UTRN: variants seen among roughly 807,000 people sequenced by gnomAD.
UTRN encodes dystrophin-related protein 1.
UTRN carries 283 observed loss-of-function variants against 463.9 expected under a neutral mutation model. The observed-to-expected ratio is 0.61, with a 90% CI of 0.55 to 0.67. The LOEUF is 0.67. Among genes scored for constraint, UTRN ranks in the 30% least tolerant of loss-of-function variants. The pLI, the probability that UTRN is intolerant of heterozygous loss-of-function variation, is 0.00. For synonymous variants in UTRN, 1,442 were observed against 1,431.5 expected (o/e 1.01, Z -0.17); for missense variants, 3,922 against 4,084.3 (o/e 0.96, Z 1.08).
At chr6:144,760,481 C>A (rs1562873681) in intron 58 of UTRN, among the ~76,000 whole-genome samples, 1 of 152,092 alleles carries the variant, frequency 6.6e-6, no homozygotes, top group Non-Finnish European at 1.5e-5. Context: ...TAGAAATGTG[C>A]TCATTTGTAT....
intron 9 of UTRN, among the ~76,000 whole-genome samples, chr6:144,434,169 C>G (rs1015191072): frequency 6.6e-6 from 1 of 152,234 alleles, no homozygotes; most frequent in Non-Finnish European, 1.5e-5. Context: ...AGCGAAACCC[C>G]GTCTCCACCA....
chr6:144,754,832 T>C (rs1309537707), intron 57 of UTRN, 34 bp downstream of exon 57: 1 of 1,584,342 alleles, frequency 6.3e-7, no homozygotes, highest in Non-Finnish European at 8.6e-7. Context: ...ATCGCATTAA[T>C]TGAATGAATT....
chr6:144,395,443 G>A (rs1055043430), intron 2 of UTRN, among the ~76,000 whole-genome samples: 3 of 145,344 alleles, frequency 2.1e-5, no homozygotes, highest in African/African-American at 7.8e-5. Flanking sequence ...TAGAGGAAAA[G>A]TTTCAAACAG....
At chr6:144,557,672 T>C (rs780822576) in intron 50 of UTRN, among the ~76,000 whole-genome samples, 5 of 152,104 alleles carry the variant, frequency 3.3e-5, no homozygotes, top group Non-Finnish European at 5.9e-5. Flanking sequence ...GGTAATGGTA[T>C]CCCTAAAGGT....
intron 50 of UTRN, among the ~76,000 whole-genome samples, chr6:144,559,789 C>T (rs1441035186): frequency 1.3e-5 from 2 of 152,006 alleles, no homozygotes; most frequent in Non-Finnish European, 2.9e-5. Context: ...TTTTTTCACC[C>T]TCCCCCTGAA....
At chr6:144,446,040 A>G (rs925371660) in intron 14 of UTRN, among the ~76,000 whole-genome samples, 2 of 152,176 alleles carry the variant, frequency 1.3e-5, no homozygotes, top group Admixed American at 6.5e-5. Context: ...AAAAATAAAA[A>G]TAATAGTAAT....
chr6:144,764,967 A>G (rs1282894601), intron 58 of UTRN, among the ~76,000 whole-genome samples: 2 of 150,874 alleles, frequency 1.3e-5, no homozygotes, highest in East Asian at 2.0e-4. Flanking sequence ...CCCAGGGCCA[A>G]TGCAACAACA....
At chr6:144,744,571 C>A (rs1244398392) in intron 54 of UTRN, among the ~76,000 whole-genome samples, 2 of 148,412 alleles carry the variant, frequency 1.3e-5, no homozygotes, top group Non-Finnish European at 3.0e-5. Flanking sequence ...AATGGGAAGA[C>A]CCGAAGGGAG....
Position 144,551,044 on chromosome 6 carries a change from C to T in UTRN, c.6890C>T (p.Ala2297Val). Reference protein sequence around the residue: ...FTLAQNLKNKASSSDMRTAIT... With the variant: ...FTLAQNLKNKVSSSDMRTAIT... ...TTGGCACAGAATTTGAAAAATAAAG[C>T]TTCCAGTTCAGATATGAGAACAGCA... The change falls in exon 48 of 75, where the codon GCT becomes GTT. Residue 2297 changes from alanine (A) to valine (V), a missense_variant. Coordinates refer to ENST00000367545, the MANE Select transcript of UTRN (RefSeq NM_007124.3). The T allele has an allele frequency of 3.1e-6, 5 of 1,611,088 alleles. No individual in the cohort carries two copies. The highest frequency in any genetic ancestry group is 4.2e-6 in the Non-Finnish European group (5 of 1,179,216).
chr6:144,690,204 ACAGGCAGACG>A (rs1783251000), intron 52 of UTRN, among the ~76,000 whole-genome samples: 1 of 145,880 alleles, frequency 6.9e-6, no homozygotes, highest in Admixed American at 7.2e-5. Context: ...CTGGCTCTCC[ACAGGCAGACG>A]CAAGCAGCAG....
At chr6:144,832,325 G>A (rs777700911) in intron 69 of UTRN, among the ~76,000 whole-genome samples, 11 of 152,136 alleles carry the variant, frequency 7.2e-5, no homozygotes, top group Non-Finnish European at 1.5e-4. Flanking sequence ...TGTGAAAACT[G>A]CCTTAACTCT....
chr6:144,358,982 A>T (rs1778807817), intron 2 of UTRN, among the ~76,000 whole-genome samples: 3 of 151,150 alleles, frequency 2.0e-5, no homozygotes, highest in South Asian at 4.2e-4. Flanking sequence ...AGCATTTTCC[A>T]TTTTTTTCTG....
intron 51 of UTRN, among the ~76,000 whole-genome samples, chr6:144,603,585 C>T (rs1804501383): frequency 2.0e-5 from 3 of 152,130 alleles, no homozygotes; most frequent in African/African-American, 7.2e-5. Flanking sequence ...TGGTTAACAT[C>T]TCTTTGATGT....
intron 52 of UTRN, among the ~76,000 whole-genome samples, chr6:144,688,210 C>T (rs907476388): frequency 1.3e-5 from 2 of 152,168 alleles, no homozygotes; most frequent in South Asian, 4.1e-4. Flanking sequence ...ATATGTATTC[C>T]ATTTCCAGAA....
chr6:144,719,361 C>T (rs552883831), intron 53 of UTRN, among the ~76,000 whole-genome samples: 123 of 152,204 alleles, frequency 8.1e-4, no homozygotes, highest in Middle Eastern at 3.4e-3. Context: ...GGCGGATCAC[C>T]TGAGGTCAGG....
At chr6:144,442,054 G>A (rs1405112837) in intron 13 of UTRN, among the ~76,000 whole-genome samples, 1 of 152,178 alleles carries the variant, frequency 6.6e-6, no homozygotes, top group Non-Finnish European at 1.5e-5. Flanking sequence ...GGGAGGGGCT[G>A]ATGTGAAGAC....
In UTRN at chr6:144,458,758, ATG is replaced by A; in HGVS notation, c.2285-10_2285-9del. The A allele has an allele frequency of 1.9e-6, 3 of 1,566,780 alleles. No homozygotes were observed. The South Asian group carries it at 3.7e-5, about 19-fold the overall frequency. Reference sequence around the variant, plus strand: ...TATATAGACTGTTTGCTTGTTTTTCATGTCTGCATAGAAGGCCTTCCTACTGA... The same window carrying A: ...TATATAGACTGTTTGCTTGTTTTTCATCTGCATAGAAGGCCTTCCTACTGA... On this transcript the variant is annotated splice_polypyrimidine_tract_variant and intron_variant, in intron 19 of 74. Transcript: ENST00000367545.
intron 64 of UTRN, among the ~76,000 whole-genome samples, chr6:144,801,496 C>T: frequency 6.6e-6 from 1 of 152,142 alleles, no homozygotes; most frequent in East Asian, 1.9e-4. Context: ...TAACTTCATT[C>T]AGACTGTCTT....
chr6:144,514,576 T>G, intron 36 of UTRN, 74 bp from the exon 37 acceptor site: 1 of 1,458,866 alleles, frequency 6.9e-7, no homozygotes, highest in Non-Finnish European at 9.4e-7. Context: ...CTACCTTTCC[T>G]TCTGTATAAG....
Sources: gnomAD v4.1 joint callset for allele counts (sites outside exome capture counted in the v4.1 genomes callset) on GRCh38, gnomAD v4.1.1 for gene constraint, MANE v1.5 for transcripts, NCBI Gene and HGNC (gene_info 2026-07-23, HGNC 2026-07-21) for gene names.